ASIC5: variants seen among roughly 807,000 people sequenced by gnomAD.
The protein encoded by ASIC5 is bile acid-sensitive ion channel.
ASIC5 carries 52 observed loss-of-function variants against 51.2 expected under a neutral mutation model. The observed-to-expected ratio is 1.02, with a 90% CI of 0.81 to 1.28. The LOEUF (loss-of-function observed/expected upper bound fraction) is 1.28, where lower values mean the gene tolerates loss of function less well. Among genes scored for constraint, ASIC5 ranks in the 50% most tolerant of loss-of-function variants. The probability of loss-of-function intolerance (pLI) is 0.00; values close to 1 mark genes in which losing one functional copy is unlikely to be tolerated. For synonymous variants in ASIC5, 231 were observed against 200.7 expected (o/e 1.15, Z -1.28); for missense variants, 635 against 595.0 (o/e 1.07, Z -0.70).
intron 4 of ASIC5, among the ~76,000 whole-genome samples, chr4:155,849,574 A>G (rs2111250354): frequency 6.6e-6 from 1 of 152,180 alleles, no homozygotes; most frequent in African/African-American, 2.4e-5. Context: ...GAGAAAAATT[A>G]TGTTTCCAAA....
chr4:155,849,041 A>G (rs1228282089), intron 4 of ASIC5, among the ~76,000 whole-genome samples: 1 of 152,084 alleles, frequency 6.6e-6, no homozygotes, highest in Non-Finnish European at 1.5e-5. Context: ...CATAAGTGCA[A>G]TAAGAATCTG....
rs201301251 is a variant in ASIC5, at chr4:155,843,769, T to C, written c.773A>G (p.His258Arg). Residue 258 changes from histidine (H) to arginine (R), a missense_variant, in exon 5 of 10, where the codon CAT becomes CGT. His to Arg is a conservative substitution (Grantham distance 29). Coordinates refer to ENST00000537611, the MANE Select transcript of ASIC5 (RefSeq NM_017419.3). ...FVDAGIIFVIHSPKKVPQFDG... is the reference protein window; with the variant it reads ...FVDAGIIFVIRSPKKVPQFDG... ...AAACTGTGGCACCTTCTTTGGTGAA[T>C]GGATAACAAAGATGATCCCAGCATC... 2 of 1,613,558 alleles carry C rather than the reference T, an allele frequency of 1.2e-6. No homozygotes were observed. Among genetic ancestry groups the C allele is most frequent in the Admixed American group, 1.7e-5 (1 of 59,924 alleles).
At chr4:155,847,801 C>T (rs1356623278) in intron 4 of ASIC5, among the ~76,000 whole-genome samples, 1 of 151,870 alleles carries the variant, frequency 6.6e-6, no homozygotes, top group Non-Finnish European at 1.5e-5. Flanking sequence ...CTCCTCGAGG[C>T]CTAGGGACTA....
chr4:155,846,302 A>C (rs1741241465), intron 4 of ASIC5, among the ~76,000 whole-genome samples: 1 of 152,134 alleles, frequency 6.6e-6, no homozygotes, highest in Non-Finnish European at 1.5e-5. Context: ...AAAATGTCAA[A>C]ATTTGGCATA....
intron 2 of ASIC5, among the ~76,000 whole-genome samples, chr4:155,861,696 A>C (rs564784667): frequency 6.6e-6 from 1 of 152,134 alleles, no homozygotes; most frequent in Admixed American, 6.6e-5. Flanking sequence ...TTAGATTTGC[A>C]TCTGCCGTTT....
At chr4:155,851,588 G>A (rs1272479394) in intron 4 of ASIC5, among the ~76,000 whole-genome samples, 1 of 151,850 alleles carries the variant, frequency 6.6e-6, no homozygotes, top group Non-Finnish European at 1.5e-5. Flanking sequence ...ACTAATCTTG[G>A]GTGGGAGCTA....
intron 2 of ASIC5, among the ~76,000 whole-genome samples, chr4:155,856,665 GT>G (rs1741549236): frequency 6.6e-6 from 1 of 151,974 alleles, no homozygotes; most frequent in African/African-American, 2.4e-5. Context: ...GGAATTAAGA[GT>G]TTACATCAGG....
chr4:155,858,806 A>G (rs906656015), intron 2 of ASIC5: 31 of 152,096 alleles, frequency 2.0e-4, no homozygotes, highest in African/African-American at 7.0e-4. Context: ...ATAGTCAACT[A>G]TGTGTTTGTC....
intron 2 of ASIC5, among the ~76,000 whole-genome samples, chr4:155,862,312 T>C (rs1418202479): frequency 6.6e-6 from 1 of 152,222 alleles, no homozygotes; most frequent in African/African-American, 2.4e-5. Flanking sequence ...ATCTATTATA[T>C]ATTGAACACC....
At position 155,863,751 on chromosome 4, in the gene ASIC5, A is replaced by G. The variant is rs1259854602; in HGVS notation, c.44T>C (p.Leu15Pro). ...EKSKVYAENGLLEKIKLCLSK... is the reference protein window; with the variant it reads ...EKSKVYAENGPLEKIKLCLSK... ...AAGGCAAAGCTTTATCTTTTCTAAG[A>G]GTCCTTAAGGTTTTGCCCATAAAAT... The change falls in exon 2 of 10, where the codon CTC becomes CCC. Residue 15 changes from leucine to proline, a missense_variant. Leu to Pro is a moderately conservative substitution (Grantham distance 98). Transcript: ENST00000537611. 1.2e-6 allele frequency: 2 copies of G among 1,610,956 alleles called. No homozygotes were observed. Among genetic ancestry groups the G allele is most frequent in the East Asian group, 2.2e-5 (1 of 44,868 alleles).
chr4:155,833,810 T>C (rs969593038), intron 8 of ASIC5, among the ~76,000 whole-genome samples: 4 of 152,226 alleles, frequency 2.6e-5, no homozygotes, highest in Admixed American at 2.6e-4. Context: ...GCAGTTGTTT[T>C]GTCCAATCAT....
In ASIC5 at chr4:155,836,965, T is replaced by C. The variant is rs183581479; in HGVS notation, c.1067-108A>G. 1.1e-5 allele frequency: 9 copies of C among 805,240 alleles called. No individual in the cohort carries two copies. The Admixed American group carries it at 2.7e-4, about 24-fold the overall frequency. 49.9% of individuals were successfully genotyped at this position (805,240 alleles called of 1,614,324 possible). A position where few individuals can be genotyped will look rare whatever the true frequency, so the allele number is the denominator to read the frequency against. On this transcript the variant is annotated intron_variant, in intron 7 of 9. Transcript: ENST00000537611. Reference sequence around the variant, plus strand: ...CACTTTCAATATTAAAAAAAGGTGGTTACCAACAACAAATGGTGTTTACTC... The same window carrying C: ...CACTTTCAATATTAAAAAAAGGTGGCTACCAACAACAAATGGTGTTTACTC...
At chr4:155,856,077 C>A (rs2110745664) in intron 2 of ASIC5, among the ~76,000 whole-genome samples, 1 of 152,200 alleles carries the variant, frequency 6.6e-6, no homozygotes, top group African/African-American at 2.4e-5. Context: ...CCTGTATAAC[C>A]TGTCTTGGTG....
chr4:155,844,365 C>G (rs1741189453), intron 4 of ASIC5, among the ~76,000 whole-genome samples: 1 of 152,024 alleles, frequency 6.6e-6, no homozygotes, highest in Non-Finnish European at 1.5e-5. Flanking sequence ...TCCACTGCAT[C>G]CACCAAGGAA....
chr4:155,856,084 G>T (rs954378684), intron 2 of ASIC5, among the ~76,000 whole-genome samples: 1 of 151,960 alleles, frequency 6.6e-6, no homozygotes, highest in African/African-American at 2.4e-5. Flanking sequence ...AACCTGTCTT[G>T]GTGTTAAAAC....
At chr4:155,838,327 T>C (rs2111231986) in intron 7 of ASIC5, among the ~76,000 whole-genome samples, 1 of 152,288 alleles carries the variant, frequency 6.6e-6, no homozygotes. Context: ...GAGGGGGCTC[T>C]TTAATAAGAA....
intron 1 of ASIC5, chr4:155,864,491 C>A (rs138587323): frequency 6.6e-6 from 1 of 152,092 alleles, no homozygotes; most frequent in African/African-American, 2.4e-5. Flanking sequence ...GGTTAAATTT[C>A]TTTCCATTTG....
rs1188493947 is a variant in ASIC5, at chr4:155,842,190, A to G, written c.1009+17T>C. ...TAACTGTCTAGTTAAGTAAGGGGGC[A>G]GTTAGTCTTTATTTACCAGGAAGAA... On this transcript the variant is annotated intron_variant, in intron 6 of 9. Coordinates refer to ENST00000537611, the MANE Select transcript of ASIC5 (RefSeq NM_017419.3). 1.9e-6 allele frequency: 3 copies of G among 1,611,840 alleles called. No individual in the cohort carries two copies. Among genetic ancestry groups the G allele is most frequent in the Non-Finnish European group, 2.5e-6 (3 of 1,178,474 alleles).
At chr4:155,857,412 C>T (rs1451380827) in intron 2 of ASIC5, among the ~76,000 whole-genome samples, 1 of 152,112 alleles carries the variant, frequency 6.6e-6, no homozygotes, top group East Asian at 1.9e-4. Context: ...GCACTAGCCA[C>T]TGTGTCTGGC....
Sources: allele counts gnomAD v4.1 joint callset (sites outside exome capture counted in the v4.1 genomes callset), GRCh38; gene constraint gnomAD v4.1.1; transcripts MANE v1.5; gene names NCBI Gene and HGNC (gene_info 2026-07-23, HGNC 2026-07-21).